The following ZDHHC11B variants were observed in gnomAD, a reference collection of about 807,000 sequenced individuals.
ZDHHC11B encodes probable palmitoyltransferase ZDHHC11B.
Under a neutral mutation model 42.3 loss-of-function variants are expected in ZDHHC11B, and 17 were observed. The ratio of observed to expected loss-of-function variants is 0.40; its 90% CI spans 0.27 to 0.60. The LOEUF (loss-of-function observed/expected upper bound fraction) is 0.60, where lower values mean the gene tolerates loss of function less well. Among genes scored for constraint, ZDHHC11B ranks in the 20% least tolerant of loss-of-function variants. The pLI is 0.41. For synonymous variants in ZDHHC11B, 123 were observed against 193.5 expected, an observed-to-expected ratio of 0.64 and a Z score of 3.02; for missense variants, 262 against 463.2, an observed-to-expected ratio of 0.57 and a Z score of 3.99.
intron 13 of ZDHHC11B, among the ~76,000 whole-genome samples, chr5:714,493 A>ATTT (rs58853046): frequency 0.024 from 2,610 of 108,504 alleles, 5 homozygotes; most frequent in East Asian, 0.11. Context: ...AGTGGTGAAT[A>ATTT]TTTTTTTTTT....
intron 13 of ZDHHC11B, among the ~76,000 whole-genome samples, chr5:714,972 C>T (rs1471174270): frequency 6.6e-6 from 1 of 151,180 alleles, no homozygotes; most frequent in Non-Finnish European, 1.5e-5. Context: ...AGCCCTTCGC[C>T]TCCTCTCTCT....
At chr5:775,012 C>G (rs529178125) in intron 1 of ZDHHC11B, among the ~76,000 whole-genome samples, 168 of 151,972 alleles carry the variant, frequency 1.1e-3, no homozygotes, top group African/African-American at 3.3e-3. Flanking sequence ...ATCAGCAGTG[C>G]CGGGTCAAAG....
At chr5:767,815 C>T (rs1158570190) in intron 2 of ZDHHC11B, among the ~76,000 whole-genome samples, 1 of 47,064 alleles carries the variant, frequency 2.1e-5, no homozygotes, top group African/African-American at 6.8e-5. Context: ...GAAACGTGGG[C>T]AGAGCGCACC....
chr5:730,866 C>G (rs200436427), intron 11 of ZDHHC11B, among the ~76,000 whole-genome samples: 78 of 149,154 alleles, frequency 5.2e-4, no homozygotes, highest in African/African-American at 1.6e-3. Flanking sequence ...TGAGAGGACA[C>G]AGAGAACAGG....
chr5:742,256 T>C (rs1214275152), intron 9 of ZDHHC11B, among the ~76,000 whole-genome samples: 1 of 142,040 alleles, frequency 7.0e-6, no homozygotes, highest in Non-Finnish European at 1.5e-5. Context: ...GCACTGAGAT[T>C]ATAGGTGCTT....
chr5:777,541 G>C lies in ZDHHC11B; in HGVS notation c.-230+7127C>G, dbSNP rs143185185. Among the ~76,000 whole-genome samples, 693 of 151,832 alleles carry C rather than the reference G, an allele frequency of 4.6e-3. 17 individuals carry two copies. Among genetic ancestry groups the C allele is most frequent in the African/African-American group, 0.016 (669 of 41,296 alleles). On this transcript the variant is annotated intron_variant, in intron 1 of 13. Transcript: ENST00000508859. Reference sequence around the variant, plus strand: ...ACTTTCCACAGCGGAGAAGAGAATGGAGTCAGGTTGCGGCAGGGCGTTCCG... The same window carrying C: ...ACTTTCCACAGCGGAGAAGAGAATGCAGTCAGGTTGCGGCAGGGCGTTCCG...
intron 12 of ZDHHC11B, among the ~76,000 whole-genome samples, 180 bp from the exon 13 acceptor site, chr5:717,045 C>T (rs1293827585): frequency 1.3e-5 from 2 of 151,814 alleles, no homozygotes; most frequent in Non-Finnish European, 2.9e-5. Flanking sequence ...AGTAACATGA[C>T]TGCACTGCTG....
intron 1 of ZDHHC11B, among the ~76,000 whole-genome samples, chr5:773,735 T>C (rs1736241831): frequency 6.6e-6 from 1 of 151,812 alleles, no homozygotes; most frequent in Non-Finnish European, 1.5e-5. Context: ...AAGTGGGGCC[T>C]GGCCAGGAAC....
At chr5:770,576 G>A (rs1277365391) in intron 1 of ZDHHC11B, among the ~76,000 whole-genome samples, 1 of 151,946 alleles carries the variant, frequency 6.6e-6, no homozygotes, top group Non-Finnish European at 1.5e-5. Flanking sequence ...ACTCCCCAGG[G>A]TCTGTGACGT....
chr5:732,619 CA>C, intron 11 of ZDHHC11B: 1 of 449,756 alleles, frequency 2.2e-6, no homozygotes, highest in South Asian at 1.6e-5. Flanking sequence ...TTCCAAGTCA[CA>C]GGAGCCTGTT....
intron 4 of ZDHHC11B, among the ~76,000 whole-genome samples, chr5:756,373 C>T (rs1733836640): frequency 6.6e-6 from 1 of 151,660 alleles, no homozygotes; most frequent in African/African-American, 2.4e-5. Context: ...GCCCTGCTCA[C>T]CCAGCCCCGT....
At chr5:724,623 T>C (rs1742431421) in intron 12 of ZDHHC11B, among the ~76,000 whole-genome samples, 1 of 140,992 alleles carries the variant, frequency 7.1e-6, no homozygotes, top group South Asian at 2.3e-4. Context: ...TGATCTGCTT[T>C]CTCGGCCTCC....
At chr5:769,977 G>A (rs12658210) in intron 1 of ZDHHC11B, among the ~76,000 whole-genome samples, 61,180 of 147,506 alleles carry the variant, frequency 0.41, 7,919 homozygotes, top group East Asian at 0.48. Context: ...CCCGCGAGAC[G>A]GCCGTCCACA....
At position 756,041 on chromosome 5, in the gene ZDHHC11B, G is replaced by A; in HGVS notation, c.326C>T (p.Pro109Leu). 1 of 1,251,786 alleles carries A rather than the reference G, an allele frequency of 8.0e-7. No homozygotes were observed. Among genetic ancestry groups the A allele is most frequent in the Non-Finnish European group, 1.1e-6 (1 of 891,242 alleles). The allele number at this position is 1,251,786 out of a possible 1,614,324, so 77.5% of individuals were successfully genotyped here. The stretch of plus-strand genomic sequence containing the variant: ...TTTTGATCTGTCGAAGAGGGGCATG[G>A]GCTGAGAATAGTTCTTCATGAGTCT... The part of the protein sequence containing the change: ...NVRLMKNYSQ[P>L]MPLFDRSKHA... The change falls in exon 5 of 14, where the codon CCC (proline) becomes CTC (leucine). Residue 109 changes from proline to leucine, a missense_variant. Pro to Leu is a moderately conservative substitution (Grantham distance 98). Coordinates refer to ENST00000508859, the MANE Select transcript of ZDHHC11B (RefSeq NM_001351303.2).
chr5:753,947 C>G (rs1746139207), intron 6 of ZDHHC11B, among the ~76,000 whole-genome samples: 1 of 143,518 alleles, frequency 7.0e-6, no homozygotes, highest in African/African-American at 2.5e-5. Context: ...CTTCACAATA[C>G]AGTGCTGCAG....
At chr5:760,787 C>T (rs1165067481) in intron 4 of ZDHHC11B, among the ~76,000 whole-genome samples, 4 of 151,744 alleles carry the variant, frequency 2.6e-5, no homozygotes, top group Non-Finnish European at 4.4e-5. Flanking sequence ...TCCACATGTG[C>T]ACCACTCCGG....
intron 1 of ZDHHC11B, among the ~76,000 whole-genome samples, chr5:771,138 C>G (rs73730945): frequency 6.6e-6 from 1 of 151,822 alleles, no homozygotes. Context: ...GGGTCCGTGC[C>G]GAGGACACAT....
chr5:729,296 G>GC (rs1317809330), intron 12 of ZDHHC11B, among the ~76,000 whole-genome samples: 1 of 151,106 alleles, frequency 6.6e-6, no homozygotes, highest in African/African-American at 2.4e-5. Context: ...TGGCCATCTG[G>GC]CCCCCCTGAG....
chr5:715,835 T>G (rs1175869469), intron 13 of ZDHHC11B, among the ~76,000 whole-genome samples: 7 of 151,466 alleles, frequency 4.6e-5, no homozygotes, highest in Non-Finnish European at 1.0e-4. Flanking sequence ...CTGGGAGACC[T>G]TGACATTCCT....
Sources: allele counts gnomAD v4.1 joint callset (sites outside exome capture counted in the v4.1 genomes callset), GRCh38; gene constraint gnomAD v4.1.1; transcripts MANE v1.5; gene names NCBI Gene and HGNC (gene_info 2026-07-23, HGNC 2026-07-21).